SPATA17: variants seen among roughly 807,000 people sequenced by gnomAD.
SPATA17 encodes the protein spermatogenesis associated 17.
Under a neutral mutation model 62.2 loss-of-function variants are expected in SPATA17, and 53 were observed. The observed-to-expected ratio is 0.85, with a 90% CI of 0.68 to 1.07. SPATA17 has a LOEUF of 1.07. Among genes scored for constraint, SPATA17 ranks in the 50% least tolerant of loss-of-function variants. The pLI is 0.00. For synonymous variants in SPATA17, 146 were observed against 146.8 expected (o/e 0.99, Z 0.04); for missense variants, 466 against 425.5 (o/e 1.10, Z -0.84).
At chr1:217,829,960 G>T (rs1377850145) in intron 9 of SPATA17, among the ~76,000 whole-genome samples, 1 of 151,814 alleles carries the variant, frequency 6.6e-6, no homozygotes, top group Non-Finnish European at 1.5e-5. Context: ...TGTCAGATGA[G>T]AGATATATTA....
chr1:217,766,736 A>T (rs57793194), intron 6 of SPATA17, among the ~76,000 whole-genome samples: 146 of 108,124 alleles, frequency 1.4e-3, no homozygotes, highest in East Asian at 2.2e-3. Context: ...TTTTTTTTTT[A>T]TCTTGTCTTT....
chr1:217,713,047 C>G (rs985288288), intron 5 of SPATA17, among the ~76,000 whole-genome samples: 4 of 152,146 alleles, frequency 2.6e-5, no homozygotes, highest in Non-Finnish European at 5.9e-5. Context: ...TTCTCCTGCA[C>G]TCTAATTCTC....
intron 9 of SPATA17, among the ~76,000 whole-genome samples, chr1:217,820,692 G>T (rs1006232236): frequency 2.0e-5 from 3 of 151,890 alleles, no homozygotes; most frequent in Non-Finnish European, 4.4e-5. Flanking sequence ...ATATAGAATA[G>T]AATATAACTG....
chr1:217,855,525 C>A (rs1001705382), intron 9 of SPATA17, among the ~76,000 whole-genome samples: 2 of 152,096 alleles, frequency 1.3e-5, no homozygotes, highest in African/African-American at 4.8e-5. Flanking sequence ...ATAATTAAAT[C>A]TCTTCCTTCT....
At chr1:217,850,956 T>A (rs1359528695) in intron 9 of SPATA17, among the ~76,000 whole-genome samples, 1 of 152,078 alleles carries the variant, frequency 6.6e-6, no homozygotes, top group African/African-American at 2.4e-5. Flanking sequence ...GGTAGGGAAA[T>A]TTAATTTACG....
intron 4 of SPATA17, among the ~76,000 whole-genome samples, chr1:217,677,197 C>T (rs1462851279): frequency 4.6e-5 from 7 of 151,878 alleles, no homozygotes; most frequent in Non-Finnish European, 7.4e-5. Context: ...GAGCTTTCTC[C>T]GCATATAATA....
At chr1:217,861,386 A>ATT (rs1472488789) in intron 9 of SPATA17, among the ~76,000 whole-genome samples, 1 of 118,616 alleles carries the variant, frequency 8.4e-6, no homozygotes, top group Non-Finnish European at 1.9e-5. Flanking sequence ...TAAATAAAAT[A>ATT]TTATATATAT....
intron 3 of SPATA17, among the ~76,000 whole-genome samples, chr1:217,652,110 ATAGT>A (rs977478884): frequency 1.1e-4 from 16 of 152,236 alleles, no homozygotes; most frequent in Middle Eastern, 3.2e-3. Context: ...CATATATTAA[ATAGT>A]TAGCACTTAT....
At chr1:217,854,138 T>C (rs1028967873) in intron 9 of SPATA17, among the ~76,000 whole-genome samples, 3 of 152,210 alleles carry the variant, frequency 2.0e-5, no homozygotes, top group African/African-American at 7.2e-5. Context: ...TTTGAACAGT[T>C]TGAACACTCA....
chr1:217,865,930 C>T (rs1411020404), intron 10 of SPATA17, among the ~76,000 whole-genome samples: 1 of 152,074 alleles, frequency 6.6e-6, no homozygotes, highest in East Asian at 1.9e-4. Flanking sequence ...AAACAATGTA[C>T]TTTTTCTCCT....
intron 5 of SPATA17, among the ~76,000 whole-genome samples, chr1:217,710,984 A>G (rs1305296215): frequency 1.3e-5 from 2 of 152,316 alleles, no homozygotes; most frequent in Admixed American, 6.5e-5. Context: ...TAGTATATGT[A>G]TATCAGTACA....
At chr1:217,657,974 C>G (rs1670479366) in intron 3 of SPATA17, among the ~76,000 whole-genome samples, 2 of 152,180 alleles carry the variant, frequency 1.3e-5, no homozygotes, top group African/African-American at 4.8e-5. Flanking sequence ...AGGAAAAGCC[C>G]CCTATAAAAC....
intron 6 of SPATA17, among the ~76,000 whole-genome samples, chr1:217,746,217 A>G (rs560770134): frequency 6.6e-6 from 1 of 152,150 alleles, no homozygotes; most frequent in East Asian, 1.9e-4. Context: ...GCTTGCAGAT[A>G]TTTGAAAATT....
intron 9 of SPATA17, among the ~76,000 whole-genome samples, chr1:217,834,734 T>C (rs1675222703): frequency 1.3e-5 from 2 of 152,114 alleles, no homozygotes; most frequent in Non-Finnish European, 1.5e-5. Context: ...TATTATAATA[T>C]TAAAGAAAGA....
intron 5 of SPATA17, among the ~76,000 whole-genome samples, chr1:217,724,840 A>T (rs1672227030): frequency 6.6e-6 from 1 of 151,382 alleles, no homozygotes; most frequent in Non-Finnish European, 1.5e-5. Flanking sequence ...TAATTAGTTT[A>T]TTTTTTTTCC....
chr1:217,650,083 G>C (rs1287205666), intron 2 of SPATA17, among the ~76,000 whole-genome samples: 1 of 151,966 alleles, frequency 6.6e-6, no homozygotes, highest in Non-Finnish European at 1.5e-5. Context: ...GGGATTACAG[G>C]CATGTGCCAC....
In SPATA17 at chr1:217,715,644, A is replaced by G. The variant is rs564406778; in HGVS notation, c.396-26331A>G. On this transcript the variant is annotated intron_variant, in intron 5 of 10. Transcript: ENST00000366933. ...TTTCCTTGATTATTCTGAAATCCAT[A>G]CATTCATACACTTAGCTTGTCATGC... 5.3e-5 allele frequency among the ~76,000 whole-genome samples: 8 copies of G among 151,520 alleles called. No individual in the cohort carries two copies. The South Asian group carries it at 8.3e-4, about 16-fold the overall frequency.
At chr1:217,824,171 A>T (rs979574159) in intron 9 of SPATA17, among the ~76,000 whole-genome samples, 33 of 152,092 alleles carry the variant, frequency 2.2e-4, no homozygotes, top group South Asian at 8.3e-4. Context: ...ATAGCTACTA[A>T]GTTTTCTTGA....
At chr1:217,683,211 A>G in intron 4 of SPATA17, 47 bp from the exon 5 acceptor site, 7 of 1,332,738 alleles carry the variant, frequency 5.3e-6, no homozygotes, top group Non-Finnish European at 7.3e-6. Flanking sequence ...TACATTTTTA[A>G]TAAAAGTGTT....
Sources: allele counts gnomAD v4.1 joint callset (sites outside exome capture counted in the v4.1 genomes callset), GRCh38; gene constraint gnomAD v4.1.1; transcripts MANE v1.5; gene names NCBI Gene and HGNC (gene_info 2026-07-23, HGNC 2026-07-21).